The following RBFOX1 variants were observed in gnomAD, a reference collection of about 807,000 sequenced individuals.
RBFOX1 encodes RNA binding fox-1 homolog 1.
In RBFOX1, 8 loss-of-function variants were observed where a neutral mutation model predicts 57.7. That is an observed-to-expected ratio of 0.14 (90% CI 0.08 to 0.25). RBFOX1 has a LOEUF of 0.25. Among genes scored for constraint, RBFOX1 ranks in the 10% least tolerant of loss-of-function variants. RBFOX1 has a pLI of 1.00. For missense variants in RBFOX1, 611 were observed against 548.5 expected, an observed-to-expected ratio of 1.11 and a Z score of -1.14; for synonymous variants, 326 against 222.4, an observed-to-expected ratio of 1.47 and a Z score of -4.15.
At chr16:7,162,208 C>G (rs565552419) in intron 4 of RBFOX1, among the ~76,000 whole-genome samples, 8 of 152,216 alleles carry the variant, frequency 5.3e-5, no homozygotes, top group African/African-American at 1.9e-4. Flanking sequence ...TTTAAAGTGA[C>G]AAGTTAAAAT....
intron 3 of RBFOX1, among the ~76,000 whole-genome samples, chr16:6,746,681 GA>G (rs201343789): frequency 0.031 from 4,398 of 142,100 alleles, 160 homozygotes; most frequent in East Asian, 0.079. Context: ...AGGTGTCAGG[GA>G]AAAAAAAAAA....
At chr16:6,141,499 C>T (rs966740945) in intron 1 of RBFOX1, among the ~76,000 whole-genome samples, 19 of 152,162 alleles carry the variant, frequency 1.2e-4, no homozygotes, top group African/African-American at 4.6e-4. Flanking sequence ...TCCTCTGCGT[C>T]CTGTGGTTTT....
In RBFOX1 at chr16:7,387,168, G is replaced by C. The variant is rs549435850; in HGVS notation, c.28-130979G>C. Among the ~76,000 whole-genome samples the C allele has an allele frequency of 3.3e-5, 5 of 152,222 alleles. No individual in the cohort carries two copies. In the South Asian group the frequency reaches 8.3e-4, roughly 25 times the overall value. On this transcript the variant is annotated intron_variant, in intron 4 of 15. Transcript: ENST00000550418. Reference sequence around the variant, plus strand: ...GATGGTAAAAATTTTGTCCCATTCTGTAGGTTGCTGAAACAGGCAGTTTTT... The same window carrying C: ...GATGGTAAAAATTTTGTCCCATTCTCTAGGTTGCTGAAACAGGCAGTTTTT...
At chr16:7,130,544 T>C (rs2151961195) in intron 4 of RBFOX1, among the ~76,000 whole-genome samples, 1 of 152,276 alleles carries the variant, frequency 6.6e-6, no homozygotes, top group African/African-American at 2.4e-5. Flanking sequence ...TGCAAGTATA[T>C]TCTGAATGAT....
intron 2 of RBFOX1, among the ~76,000 whole-genome samples, chr16:6,652,388 C>A (rs920273934): frequency 6.6e-6 from 1 of 151,940 alleles, no homozygotes; most frequent in African/African-American, 2.4e-5. Context: ...GTGGAGGTTG[C>A]AGTGAGCCAA....
chr16:6,307,483 G>C (rs2079654437), intron 1 of RBFOX1, among the ~76,000 whole-genome samples: 1 of 150,422 alleles, frequency 6.6e-6, no homozygotes, highest in Non-Finnish European at 1.5e-5. Flanking sequence ...TTCTTTCTAA[G>C]TCTAATTGAT....
intron 1 of RBFOX1, among the ~76,000 whole-genome samples, chr16:6,122,339 C>A (rs750115073): frequency 6.7e-6 from 1 of 149,002 alleles, no homozygotes; most frequent in Non-Finnish European, 1.5e-5. Flanking sequence ...TATAACAGAA[C>A]CTTGTGTCTA....
At chr16:7,490,375 A>C (rs2066609197) in intron 4 of RBFOX1, among the ~76,000 whole-genome samples, 1 of 152,192 alleles carries the variant, frequency 6.6e-6, no homozygotes, top group African/African-American at 2.4e-5. Context: ...TTAGGTTTGC[A>C]GAATCTCTAC....
At chr16:6,698,752 C>T (rs1285049790) in intron 3 of RBFOX1, among the ~76,000 whole-genome samples, 1 of 152,144 alleles carries the variant, frequency 6.6e-6, no homozygotes, top group Non-Finnish European at 1.5e-5. Flanking sequence ...TTGTTCTGCC[C>T]TGTTTTCCTC....
intron 1 of RBFOX1, among the ~76,000 whole-genome samples, chr16:5,249,714 T>A (rs868703630): frequency 6.6e-6 from 1 of 152,236 alleles, no homozygotes; most frequent in African/African-American, 2.4e-5. Context: ...CACACCTGTA[T>A]TCCCAGCACT....
intron 2 of RBFOX1, among the ~76,000 whole-genome samples, chr16:6,364,714 C>G (rs1448413224): frequency 6.6e-6 from 1 of 152,138 alleles, no homozygotes; most frequent in African/African-American, 2.4e-5. Context: ...TGTGTAATTT[C>G]TCACCCTGAA....
chr16:7,121,845 G>A (rs2067254140), intron 4 of RBFOX1, among the ~76,000 whole-genome samples: 1 of 151,836 alleles, frequency 6.6e-6, no homozygotes, highest in South Asian at 2.1e-4. Flanking sequence ...TTAATCAACT[G>A]GACAAAATAG....
At chr16:7,236,022 G>T (rs1603426039) in intron 4 of RBFOX1, among the ~76,000 whole-genome samples, 1 of 152,154 alleles carries the variant, frequency 6.6e-6, no homozygotes, top group Non-Finnish European at 1.5e-5. Context: ...CTAGACCATG[G>T]TCATTTTGTA....
At chr16:5,630,420 G>C (rs1432738734) in intron 3 of RBFOX1, among the ~76,000 whole-genome samples, 1 of 151,966 alleles carries the variant, frequency 6.6e-6, no homozygotes, top group Non-Finnish European at 1.5e-5. Context: ...CCACGCTATT[G>C]CACTCCAGCC....
intron 3 of RBFOX1, among the ~76,000 whole-genome samples, chr16:6,947,343 A>T (rs1290307338): frequency 6.6e-6 from 1 of 152,176 alleles, no homozygotes; most frequent in Non-Finnish European, 1.5e-5. Context: ...AGATAACATT[A>T]TGAAGACACC....
intron 2 of RBFOX1, among the ~76,000 whole-genome samples, chr16:5,523,955 C>G (rs1220281982): frequency 2.0e-5 from 3 of 152,140 alleles, no homozygotes; most frequent in Non-Finnish European, 2.9e-5. Flanking sequence ...TCCCCCAGCG[C>G]TTGCCTCCTC....
intron 1 of RBFOX1, among the ~76,000 whole-genome samples, chr16:5,381,409 C>T (rs931734559): frequency 6.6e-6 from 1 of 152,222 alleles, no homozygotes; most frequent in African/African-American, 2.4e-5. Context: ...CTAACAGGCA[C>T]ATAAATCACT....
chr16:5,514,241 C>A (rs541619326), intron 2 of RBFOX1, among the ~76,000 whole-genome samples: 1 of 152,132 alleles, frequency 6.6e-6, no homozygotes, highest in Admixed American at 6.5e-5. Flanking sequence ...GTTGGCTGAC[C>A]GTGGATGGGT....
At chr16:6,063,334 C>T (rs938377833) in intron 1 of RBFOX1, among the ~76,000 whole-genome samples, 5 of 152,028 alleles carry the variant, frequency 3.3e-5, no homozygotes, top group African/African-American at 7.2e-5. Context: ...ATGAGGGGAA[C>T]AGGGAAATCA....
Sources: gnomAD v4.1 joint callset for allele counts (sites outside exome capture counted in the v4.1 genomes callset) on GRCh38, gnomAD v4.1.1 for gene constraint, MANE v1.5 for transcripts, NCBI Gene and HGNC (gene_info 2026-07-23, HGNC 2026-07-21) for gene names.